The following LCA5L variants were observed in gnomAD, a reference collection of about 807,000 sequenced individuals.
LCA5L encodes lebercilin LCA5 like, also known as lebercilin-like protein.
LCA5L carries 35 observed loss-of-function variants against 45.4 expected under a neutral mutation model. The observed-to-expected ratio is 0.77, with a 90% CI of 0.59 to 1.02. LCA5L has a LOEUF of 1.02. LCA5L is among the 50% of genes least tolerant of loss of function. The pLI, the probability that LCA5L is intolerant of heterozygous loss-of-function variation, is 0.00. For synonymous variants in LCA5L, 233 were observed against 264.7 expected (o/e 0.88, Z 1.16); for missense variants, 668 against 761.6 (o/e 0.88, Z 1.45).
At chr21:39,438,979 T>A (rs1485376751) in intron 2 of LCA5L, 1 of 152,204 alleles carries the variant, frequency 6.6e-6, no homozygotes, top group Admixed American at 6.5e-5. Flanking sequence ...CATGTCCTAA[T>A]CCCTAGAACC....
intron 3 of LCA5L, among the ~76,000 whole-genome samples, chr21:39,433,823 G>A (rs2076016603): frequency 2.0e-5 from 3 of 148,020 alleles, no homozygotes; most frequent in Admixed American, 6.7e-5. Context: ...GGAGTGCAGT[G>A]GCACGATCTT....
Position 39,434,524 on chromosome 21 carries a change from GTTCT to G in LCA5L, c.-92+892_-92+895del, listed in dbSNP as rs2076102954. ...CCAGGCCTTAAACCAACCACCTACTGTTCTTTCTTTTGAGACGGGGTCTTACTCT... is the reference window on the plus strand; with the variant it reads ...CCAGGCCTTAAACCAACCACCTACTGTTCTTTTGAGACGGGGTCTTACTCT... On this transcript the variant is annotated intron_variant, in intron 3 of 10. Transcript: ENST00000288350. Among the ~76,000 whole-genome samples the G allele has an allele frequency of 2.0e-5, 3 of 152,180 alleles. 1 individual carries two copies. In the South Asian group the frequency reaches 6.2e-4, roughly 32 times the overall value.
At chr21:39,411,672 C>A in intron 8 of LCA5L, 46 bp downstream of exon 8, 1 of 957,830 alleles carries the variant, frequency 1.0e-6, no homozygotes, top group Non-Finnish European at 1.6e-6. Context: ...GAAAATCTGA[C>A]TAGATACTTA....
At position 39,417,653 on chromosome 21, in the gene LCA5L, G is replaced by A. The variant is rs530288880; in HGVS notation, c.975+3053C>T. Among the ~76,000 whole-genome samples, 26 of 152,308 alleles carry A rather than the reference G, an allele frequency of 1.7e-4. No individual in the cohort carries two copies. In the East Asian group the frequency reaches 4.0e-3, roughly 24 times the overall value. Reference sequence around the variant, plus strand: ...CTCACAGTTCCACATGGCTGGGGAGGCCTCACAATCATGGTTGAAGACAAA... The same window carrying A: ...CTCACAGTTCCACATGGCTGGGGAGACCTCACAATCATGGTTGAAGACAAA... On this transcript the variant is annotated intron_variant, in intron 7 of 10. Transcript: ENST00000288350.
At chr21:39,430,524 A>G (rs189064870) in intron 3 of LCA5L, among the ~76,000 whole-genome samples, 51 of 152,282 alleles carry the variant, frequency 3.3e-4, no homozygotes, top group African/African-American at 1.1e-3. Context: ...CTGTCACTTA[A>G]GTGCTCTTGT....
chr21:39,425,917 A>G (rs2074608477), intron 5 of LCA5L: 1 of 152,296 alleles, frequency 6.6e-6, no homozygotes, highest in Admixed American at 6.5e-5. Flanking sequence ...ACTAAACGCC[A>G]TGGCCACAGG....
chr21:39,437,969 A>C (rs2076444487), intron 2 of LCA5L, among the ~76,000 whole-genome samples: 1 of 152,224 alleles, frequency 6.6e-6, no homozygotes, highest in African/African-American at 2.4e-5. Context: ...AATCTACATG[A>C]TCAATGTATT....
At chr21:39,414,536 G>T (rs2040698054) in intron 7 of LCA5L, among the ~76,000 whole-genome samples, 1 of 152,114 alleles carries the variant, frequency 6.6e-6, no homozygotes, top group South Asian at 2.1e-4. Flanking sequence ...GAATTCCCAC[G>T]ACAAGATTTC....
intron 10 of LCA5L, among the ~76,000 whole-genome samples, chr21:39,407,508 CTG>C (rs935239757): frequency 1.3e-5 from 2 of 152,224 alleles, no homozygotes; most frequent in Non-Finnish European, 2.9e-5. Flanking sequence ...ACGATGTTCA[CTG>C]TGGCGTGGGT....
Position 39,409,688 on chromosome 21 carries a change from G to A in LCA5L, c.1282+291C>T, listed in dbSNP as rs146693873. Among the ~76,000 whole-genome samples the A allele has an allele frequency of 5.0e-3, 757 of 152,248 alleles. No individual in the cohort carries two copies. The highest frequency in any genetic ancestry group is 8.8e-3 in the Non-Finnish European group (598 of 68,020). On this transcript the variant is annotated intron_variant, in intron 10 of 10. Coordinates refer to ENST00000288350, the MANE Select transcript of LCA5L (RefSeq NM_152505.4). The surrounding 1 kb of genome is among the most constrained non-coding windows in gnomAD (Gnocchi z 4.2). ...GCTCACTGCAACCTCTGCCTCCTGG[G>A]TCCAAGCGATTTTCCTGCCTCAGCC...
At chr21:39,433,414 CAAA>C (rs765560945) in intron 3 of LCA5L, among the ~76,000 whole-genome samples, 2 of 62,784 alleles carry the variant, frequency 3.2e-5, no homozygotes, top group South Asian at 6.8e-4. Context: ...AACTCTGTCT[CAAA>C]AAAAAAAAAA....
At position 39,431,756 on chromosome 21, in the gene LCA5L, T is replaced by A. The variant is rs367710085; in HGVS notation, c.-91-2545A>T. On this transcript the variant is annotated intron_variant, in intron 3 of 10. Transcript: ENST00000288350. ...TGGTCTCGATCTCTTGACCTTGTGA[T>A]CTGCCCGCCTCGGGCTCCCAAAGTG... 5.9e-5 allele frequency among the ~76,000 whole-genome samples: 9 copies of A among 152,150 alleles called. No individual in the cohort carries two copies. The South Asian group carries it at 1.7e-3, about 28-fold the overall frequency.
At chr21:39,445,171 G>A (rs1347760614) in intron 1 of LCA5L, among the ~76,000 whole-genome samples, 6 of 151,662 alleles carry the variant, frequency 4.0e-5, no homozygotes, top group South Asian at 4.2e-4. Context: ...TGAGGGGAGG[G>A]TGTGGATAAA....
In LCA5L at chr21:39,409,920, A is replaced by G; in HGVS notation, c.1282+59T>C. On this transcript the variant is annotated intron_variant, in intron 10 of 10. Transcript: ENST00000288350. This position sits in a 1 kb window ranked among gnomAD's most constrained non-coding sequence, Gnocchi z 4.2. Reference sequence around the variant, plus strand: ...TTTTATGTGTGCTTTATATACACATATAGTAATTCACAATTTTAAAGAAAT... The same window carrying G: ...TTTTATGTGTGCTTTATATACACATGTAGTAATTCACAATTTTAAAGAAAT... The G allele has an allele frequency of 1.0e-6, 1 of 973,218 alleles. No homozygotes were observed. Among genetic ancestry groups the G allele is most frequent in the East Asian group, 2.5e-5 (1 of 40,228 alleles). The allele number at this position is 973,218 out of a possible 1,614,324, so 60.3% of individuals were successfully genotyped here.
Position 39,406,233 on chromosome 21 carries a change from A to C in LCA5L, c.1662T>G (p.Ser554Arg). 6.2e-7 allele frequency: 1 copy of C among 1,614,242 alleles called. No individual in the cohort carries two copies. The highest frequency in any genetic ancestry group is 8.5e-7 in the Non-Finnish European group (1 of 1,180,032). ...ANAGNMRYSHSTGKHLSNREE... is the reference protein window; with the variant it reads ...ANAGNMRYSHRTGKHLSNREE... ...CTCTGTTACTGAGATGCTTGCCTGTACTATGACTGTACCTCATGTTGCCGG... is the reference window on the plus strand; with the variant it reads ...CTCTGTTACTGAGATGCTTGCCTGTCCTATGACTGTACCTCATGTTGCCGG... Residue 554 changes from serine (S) to arginine (R), a missense_variant, in exon 11 of 11, where the codon AGT becomes AGG. By Grantham distance (110) the Ser-to-Arg change is moderately radical (BLOSUM62 -1). Coordinates refer to ENST00000288350, the MANE Select transcript of LCA5L (RefSeq NM_152505.4).
intron 10 of LCA5L, chr21:39,408,599 C>A (rs187726711): frequency 4.7e-4 from 71 of 152,418 alleles, no homozygotes; most frequent in African/African-American, 1.6e-3. Context: ...TCTATCAAAC[C>A]CTGCAGTCTG....
At chr21:39,423,574 C>T in intron 5 of LCA5L, 84 bp from the exon 6 acceptor site, 1 of 1,184,086 alleles carries the variant, frequency 8.4e-7, no homozygotes, top group Non-Finnish European at 1.2e-6. Flanking sequence ...CTCTCCCATG[C>T]CCCCATGCAC....
intron 6 of LCA5L, 150 bp downstream of exon 6, chr21:39,422,826 C>G: frequency 1.4e-6 from 1 of 724,816 alleles, no homozygotes; most frequent in South Asian, 1.9e-5. Flanking sequence ...TTTCTGTGCC[C>G]TCTATTAGAC....
chr21:39,420,887 A>G, intron 6 of LCA5L, 44 bp from the exon 7 acceptor site: 1 of 1,515,190 alleles, frequency 6.6e-7, no homozygotes, highest in Admixed American at 1.9e-5. Context: ...CCAAGTTAGT[A>G]TGTTAAAAAC....
Sources: allele counts gnomAD v4.1 joint callset (sites outside exome capture counted in the v4.1 genomes callset), GRCh38; gene constraint gnomAD v4.1.1; non-coding constraint Gnocchi (gnomAD v3.1); transcripts MANE v1.5; gene names NCBI Gene and HGNC (gene_info 2026-07-23, HGNC 2026-07-21).